SPIDR: variants seen among roughly 807,000 people sequenced by gnomAD.
SPIDR encodes DNA repair-scaffolding protein.
In SPIDR, 93 loss-of-function variants were observed where a neutral mutation model predicts 104.6. The ratio of observed to expected loss-of-function variants is 0.89; its 90% CI spans 0.75 to 1.06. The LOEUF (loss-of-function observed/expected upper bound fraction) is 1.06, where lower values mean the gene tolerates loss of function less well. Ranked by LOEUF, SPIDR falls within the 50% of genes least tolerant of loss-of-function variation. SPIDR has a pLI of 0.00. For synonymous variants in SPIDR, 431 were observed against 416.9 expected (o/e 1.03, Z -0.41); for missense variants, 1,154 against 1,111.2 (o/e 1.04, Z -0.55).
chr8:47,283,057 T>C (rs912288939), intron 2 of SPIDR, among the ~76,000 whole-genome samples: 2 of 152,172 alleles, frequency 1.3e-5, no homozygotes, highest in East Asian at 3.9e-4. Flanking sequence ...GGTTTCACCA[T>C]GTGGGTCAGG....
At chr8:47,300,487 T>C (rs1450209952) in intron 5 of SPIDR, among the ~76,000 whole-genome samples, 1 of 152,240 alleles carries the variant, frequency 6.6e-6, no homozygotes, top group African/African-American at 2.4e-5. Flanking sequence ...TTGCCTCTGC[T>C]AGCTTTTGAA....
chr8:47,598,984 G>T lies in SPIDR; in HGVS notation c.1332G>T (p.Trp444Cys). The T allele has an allele frequency of 1.2e-6, 2 of 1,613,856 alleles. No homozygotes were observed. The highest frequency in any genetic ancestry group is 8.5e-7 in the Non-Finnish European group (1 of 1,179,906). ...CSGVATTGTA[W>C]THGHKEAKQR... ...GTGTAGCCACTACAGGGACAGCCTG[G>T]ACCCATGGGCACAAAGAAGCAAAAC... The change falls in exon 10 of 20, where the codon TGG (tryptophan) becomes TGT (cysteine). Residue 444 changes from tryptophan (W) to cysteine (C), a missense_variant. By Grantham distance (215) the Trp-to-Cys change is radical. Coordinates refer to ENST00000297423, the MANE Select transcript of SPIDR (RefSeq NM_001080394.4).
At chr8:47,725,713 C>T (rs1179465677) in intron 16 of SPIDR, among the ~76,000 whole-genome samples, 1 of 152,224 alleles carries the variant, frequency 6.6e-6, no homozygotes, top group Non-Finnish European at 1.5e-5. Flanking sequence ...TAATCATACA[C>T]TTCCCAGCCA....
rs587758985 is a variant in SPIDR, at chr8:47,315,586, G to T, written c.525+21556G>T. Among the ~76,000 whole-genome samples the T allele has an allele frequency of 2.6e-5, 4 of 152,150 alleles. No homozygotes were observed. The East Asian group carries it at 7.7e-4, about 29-fold the overall frequency. On this transcript the variant is annotated intron_variant, in intron 5 of 19. Transcript: ENST00000297423. ...ATAGAAAGGACCTATGTTATACAAA[G>T]CAATCCTGATGATTTACAAGGTGGA... is the stretch of plus-strand genomic sequence containing the variant.
rs79051003 is a variant in SPIDR at position 47,703,357 on chromosome 8, C to T, written c.1977+1342C>T. ...ATGTTTCATAACTTCTAGTCAAGTTCTTGATGAATTGCATATATACGAGTA... is the reference window on the plus strand; with the variant it reads ...ATGTTTCATAACTTCTAGTCAAGTTTTTGATGAATTGCATATATACGAGTA... On this transcript the variant is annotated intron_variant, in intron 14 of 19. Coordinates refer to ENST00000297423, the MANE Select transcript of SPIDR (RefSeq NM_001080394.4). 4.1e-4 allele frequency among the ~76,000 whole-genome samples: 62 copies of T among 152,320 alleles called. No homozygotes were observed. The East Asian group carries it at 0.01, about 25-fold the overall frequency.
chr8:47,412,971 T>C (rs2063745407), intron 7 of SPIDR, among the ~76,000 whole-genome samples: 1 of 152,356 alleles, frequency 6.6e-6, no homozygotes, highest in Non-Finnish European at 1.5e-5. Context: ...GGCTCCTCCT[T>C]CTTTTGACTC....
intron 8 of SPIDR, among the ~76,000 whole-genome samples, chr8:47,564,185 T>G (rs766567438): frequency 6.9e-6 from 1 of 145,558 alleles, no homozygotes; most frequent in Non-Finnish European, 1.5e-5. Flanking sequence ...TTCAAGCGAC[T>G]CTCCTTCCTC....
chr8:47,601,212 T>A (rs887167683), intron 10 of SPIDR, among the ~76,000 whole-genome samples: 46 of 146,844 alleles, frequency 3.1e-4, no homozygotes, highest in Admixed American at 3.0e-3. Flanking sequence ...GAATATGCAT[T>A]CTGTGTGATG....
At chr8:47,471,390 A>G (rs1231830432) in intron 8 of SPIDR, among the ~76,000 whole-genome samples, 1 of 152,156 alleles carries the variant, frequency 6.6e-6, no homozygotes, top group Non-Finnish European at 1.5e-5. Context: ...CATTTATCCA[A>G]AAAAGATATA....
chr8:47,459,312 C>T (rs1246645023), intron 8 of SPIDR, among the ~76,000 whole-genome samples: 10 of 151,962 alleles, frequency 6.6e-5, no homozygotes, highest in East Asian at 3.9e-4. Flanking sequence ...GTTTCAACCT[C>T]GCTGCTTTTT....
At chr8:47,601,598 G>A (rs572404495) in intron 10 of SPIDR, among the ~76,000 whole-genome samples, 7 of 152,344 alleles carry the variant, frequency 4.6e-5, no homozygotes, top group African/African-American at 1.7e-4. Flanking sequence ...GGAGACTGAG[G>A]CAGAAGAATC....
At chr8:47,495,090 T>C (rs1049699989) in intron 8 of SPIDR, among the ~76,000 whole-genome samples, 1 of 152,190 alleles carries the variant, frequency 6.6e-6, no homozygotes, top group African/African-American at 2.4e-5. Context: ...TATCTTGTTA[T>C]CTTGTATGTG....
rs556045876 is a variant in SPIDR, at chr8:47,447,520, G to A, written c.1097+6978G>A. ...TGAGCCACCGCGCCTGGCCAGAAAC[G>A]GGTTTCTTTAGATGGAATATAATCC... On this transcript the variant is annotated intron_variant, in intron 8 of 19. Transcript: ENST00000297423. Among the ~76,000 whole-genome samples the A allele has an allele frequency of 5.9e-5, 9 of 152,266 alleles. No homozygotes were observed. In the South Asian group the frequency reaches 8.3e-4, roughly 14 times the overall value.
chr8:47,700,345 G>A (rs1287776375), intron 11 of SPIDR, 58 bp from the exon 12 acceptor site: 5 of 1,557,426 alleles, frequency 3.2e-6, no homozygotes, highest in Non-Finnish European at 4.4e-6. Context: ...CAGCTCACTG[G>A]CCAAGTACTC....
At chr8:47,488,818 C>T (rs1554734795) in intron 8 of SPIDR, among the ~76,000 whole-genome samples, 1 of 151,328 alleles carries the variant, frequency 6.6e-6, no homozygotes, top group African/African-American at 2.5e-5. Context: ...ATGCTAAAAA[C>T]TCTCAATAAA....
intron 8 of SPIDR, among the ~76,000 whole-genome samples, chr8:47,493,038 A>AGTGT (rs1363442147): frequency 0.019 from 1,203 of 64,758 alleles, 5 homozygotes; most frequent in South Asian, 0.048. Context: ...AGAGAGAGAG[A>AGTGT]GTGAGTGTGT....
At chr8:47,671,224 G>A (rs1018127491) in intron 10 of SPIDR, among the ~76,000 whole-genome samples, 1 of 152,050 alleles carries the variant, frequency 6.6e-6, no homozygotes, top group African/African-American at 2.4e-5. Context: ...AATCATTTTA[G>A]TAATTAGTAA....
chr8:47,669,073 G>C (rs2075417763), intron 10 of SPIDR, among the ~76,000 whole-genome samples: 1 of 152,100 alleles, frequency 6.6e-6, no homozygotes, highest in East Asian at 1.9e-4. Flanking sequence ...TTAAAAATGA[G>C]TAAGTTCAAG....
chr8:47,692,278 T>G (rs1003872449), intron 11 of SPIDR, among the ~76,000 whole-genome samples: 5 of 152,228 alleles, frequency 3.3e-5, no homozygotes, highest in Middle Eastern at 3.4e-3. Context: ...TGGCACATTT[T>G]CATCACCTCA....
Sources: gnomAD v4.1 joint callset for allele counts (sites outside exome capture counted in the v4.1 genomes callset) on GRCh38, gnomAD v4.1.1 for gene constraint, MANE v1.5 for transcripts, NCBI Gene and HGNC (gene_info 2026-07-23, HGNC 2026-07-21) for gene names.